Variants in CARD14 observed in about 807,000 individuals in gnomAD.
CARD14 encodes the protein caspase recruitment domain-containing protein 14.
In CARD14, 107 loss-of-function variants were observed where a neutral mutation model predicts 111.5. The ratio of observed to expected loss-of-function variants is 0.96; its 90% confidence interval spans 0.82 to 1.13. CARD14 has a LOEUF of 1.13. CARD14 is among the 50% of genes most tolerant of loss of function. The pLI is 0.00. For missense variants in CARD14, 1,322 were observed against 1,362.3 expected (o/e 0.97, Z 0.47); for synonymous variants, 617 against 579.6 (o/e 1.06, Z -0.93).
rs986102842 is a variant in CARD14 at position 80,198,250 on chromosome 17, T to C, written c.1658+88T>C. On this transcript the variant is annotated intron_variant, in intron 15 of 23. Coordinates refer to ENST00000648509, the MANE Select transcript of CARD14 (RefSeq NM_001366385.1). This position sits in a 1 kb window ranked among gnomAD's most constrained non-coding sequence, Gnocchi z 7.5. ...CAGAGGGTGAGTGTCCTATTACCAA[T>C]GGGAGGCAACAGCCTTTCCAAGCAC... The C allele has an allele frequency of 1.1e-5, 18 of 1,570,358 alleles. No homozygotes were observed. In the African/African-American group the frequency reaches 1.5e-4, roughly 13 times the overall value.
In CARD14 at chr17:80,198,263, C is replaced by T. The variant is rs1355749192; in HGVS notation, c.1658+101C>T. On this transcript the variant is annotated intron_variant, in intron 15 of 23. Coordinates refer to ENST00000648509, the MANE Select transcript of CARD14 (RefSeq NM_001366385.1). The surrounding 1 kb of genome is among the most constrained non-coding windows in gnomAD (Gnocchi z 7.5). ...TCCTATTACCAATGGGAGGCAACAG[C>T]CTTTCCAAGCACATGGGGCCATGGA... The T allele has an allele frequency of 6.4e-7, 1 of 1,567,320 alleles. No individual in the cohort carries two copies. Among genetic ancestry groups the T allele is most frequent in the East Asian group, 2.3e-5 (1 of 44,262 alleles).
At position 80,182,706 on chromosome 17, in the gene CARD14, C is replaced by T. The variant is rs375520842; in HGVS notation, c.265C>T (p.Leu89=). 6.2e-7 allele frequency: 1 copy of T among 1,614,184 alleles called. No homozygotes were observed. ...AGGGAAGAACGGGGCCATCGCCTTC[C>T]TGGAGAGCCTGAAGTTCCACAACCC... is the stretch of plus-strand genomic sequence containing the variant. The part of the protein sequence containing the change: ...TRGKNGAIAF[L]ESLKFHNPDV... The change falls in exon 6 of 24, where the codon CTG becomes TTG. Residue 89 remains leucine (L), a synonymous_variant. Transcript: ENST00000648509. The surrounding 1 kb of genome is among the most constrained non-coding windows in gnomAD (Gnocchi z 4.7).
chr17:80,198,174 G>C lies in CARD14; in HGVS notation c.1658+12G>C. On this transcript the variant is annotated intron_variant, in intron 15 of 23. Coordinates refer to ENST00000648509, the MANE Select transcript of CARD14 (RefSeq NM_001366385.1). This position sits in a 1 kb window ranked among gnomAD's most constrained non-coding sequence, Gnocchi z 7.5. ...GATGTCTCGGAGAGGTAAGCAGCAG[G>C]TGGGAATCCTCCGAGGCTGGCTGGG... The C allele has an allele frequency of 6.2e-7, 1 of 1,613,672 alleles. No individual in the cohort carries two copies. The highest frequency in any genetic ancestry group is 8.5e-7 in the Non-Finnish European group (1 of 1,179,870).
intron 16 of CARD14, among the ~76,000 whole-genome samples, chr17:80,199,371 T>A (rs1472447944): frequency 6.6e-6 from 1 of 150,896 alleles, no homozygotes; most frequent in Admixed American, 6.6e-5. Flanking sequence ...GCCTGCATGG[T>A]CAGGGGGTGA....
chr17:80,193,157 A>G, intron 12 of CARD14, among the ~76,000 whole-genome samples: 1 of 152,244 alleles, frequency 6.6e-6, no homozygotes, highest in East Asian at 1.9e-4. Flanking sequence ...TCCTATTCCC[A>G]AAGAAGGTCA....
chr17:80,186,297 G>A (rs1042889490), intron 7 of CARD14, among the ~76,000 whole-genome samples: 2 of 152,156 alleles, frequency 1.3e-5, no homozygotes, highest in East Asian at 1.9e-4. Flanking sequence ...TGTTCTTGGC[G>A]CAGTTCATGG....
At chr17:80,192,681 T>C in intron 12 of CARD14, 62 bp downstream of exon 12, 1 of 1,253,092 alleles carries the variant, frequency 8.0e-7, no homozygotes, top group Non-Finnish European at 1.2e-6. Flanking sequence ...CAGGGGCCTC[T>C]CTGTCAGGAC....
chr17:80,203,850 C>T lies in CARD14; in HGVS notation c.2248C>T (p.Gln750Ter). ...RAQQQLIALI[Q>*]DMTQQCTVTR... ...TCAGCAGCAGCTCATAGCCCTCATC[C>T]AGGACATGACTCAGCAGTGCACCGT... The change falls in exon 19 of 24, where the codon CAG becomes TAG. Residue 750 changes from glutamine to a stop codon, truncating the protein, a stop_gained. Coordinates refer to ENST00000648509, the MANE Select transcript of CARD14 (RefSeq NM_001366385.1). LOFTEE classifies it high-confidence loss of function. The surrounding 1 kb of genome is among the most constrained non-coding windows in gnomAD (Gnocchi z 4.6). 1 of 1,593,892 alleles carries T rather than the reference C, an allele frequency of 6.3e-7. No homozygotes were observed. Among genetic ancestry groups the T allele is most frequent in the Non-Finnish European group, 8.5e-7 (1 of 1,171,018 alleles).
chr17:80,201,774 A>G lies in CARD14; in HGVS notation c.1882A>G (p.Lys628Glu), dbSNP rs2040988886. 4 of 1,613,848 alleles carry G rather than the reference A, an allele frequency of 2.5e-6. No homozygotes were observed. Among genetic ancestry groups the G allele is most frequent in the Non-Finnish European group, 3.4e-6 (4 of 1,179,920 alleles). The change falls in exon 17 of 24, where the codon AAG becomes GAG. Residue 628 changes from lysine to glutamate, a missense_variant. Transcript: ENST00000648509. This position sits in a 1 kb window ranked among gnomAD's most constrained non-coding sequence, Gnocchi z 5.0. ...TTACGAAGCCTCAGAGCCCTTGTTC[A>G]AGGCAGTCCTGGAGGACACGACCCT... ...VDYEASEPLF[K>E]AVLEDTTLEE...
chr17:80,189,920 C>T lies in CARD14; in HGVS notation c.963+48C>T, dbSNP rs776738791. On this transcript the variant is annotated intron_variant, in intron 9 of 23. Transcript: ENST00000648509. This position sits in a 1 kb window ranked among gnomAD's most constrained non-coding sequence, Gnocchi z 4.7. ...CTTGTGACTCTCCTGGGGCTTGTCTCAGGGGTGCGGACAGGTCTGTGGGGA... is the reference window on the plus strand; with the variant it reads ...CTTGTGACTCTCCTGGGGCTTGTCTTAGGGGTGCGGACAGGTCTGTGGGGA... 7.7e-6 allele frequency: 12 copies of T among 1,567,128 alleles called. No individual in the cohort carries two copies. The highest frequency in any genetic ancestry group is 6.1e-5 in the Admixed American group (3 of 48,980).
Position 80,201,773 on chromosome 17 carries a change from C to T in CARD14, c.1881C>T (p.Phe627=). The T allele has an allele frequency of 6.2e-7, 1 of 1,614,018 alleles. No individual in the cohort carries two copies. The highest frequency in any genetic ancestry group is 1.1e-5 in the South Asian group (1 of 91,076). ...MVDYEASEPL[F]KAVLEDTTLE... is the part of the protein sequence containing the mutation. Reference sequence around the variant, plus strand: ...ATTACGAAGCCTCAGAGCCCTTGTTCAAGGCAGTCCTGGAGGACACGACCC... The same window carrying T: ...ATTACGAAGCCTCAGAGCCCTTGTTTAAGGCAGTCCTGGAGGACACGACCC... Residue 627 remains phenylalanine, a synonymous_variant, in exon 17 of 24, where the codon TTC becomes TTT. Transcript: ENST00000648509. This position sits in a 1 kb window ranked among gnomAD's most constrained non-coding sequence, Gnocchi z 5.0.
rs1483551096 is a variant in CARD14 at position 80,195,404 on chromosome 17, C to A, written c.1499+71C>A. 2 of 1,547,346 alleles carry A rather than the reference C, an allele frequency of 1.3e-6. No individual in the cohort carries two copies. The highest frequency in any genetic ancestry group is 2.4e-5 in the South Asian group (2 of 83,432). ...CTTCCTGGCAACTCACCAGAGACACCAACCTAGACCTCAGGGCATCTGGGT... is the reference window on the plus strand; with the variant it reads ...CTTCCTGGCAACTCACCAGAGACACAAACCTAGACCTCAGGGCATCTGGGT... On this transcript the variant is annotated intron_variant, in intron 13 of 23. Coordinates refer to ENST00000648509, the MANE Select transcript of CARD14 (RefSeq NM_001366385.1). This position sits in a 1 kb window ranked among gnomAD's most constrained non-coding sequence, Gnocchi z 4.7.
rs771489106 is a variant in CARD14, at chr17:80,208,111, C to T, written c.2808-27C>T. 62 of 1,482,580 alleles carry T rather than the reference C, an allele frequency of 4.2e-5. No individual in the cohort carries two copies. The Admixed American group carries it at 1.0e-3, about 25-fold the overall frequency. The allele number at this position is 1,482,580 out of a possible 1,614,324, so 91.8% of individuals were successfully genotyped here. A position where few individuals can be genotyped will look rare whatever the true frequency, so the allele number is the denominator to read the frequency against. ...CTGGGCCCTTGCTCTCCCCTGAGCC[C>T]GCCCCCCCCAACTCTGGCCTGTGCA... is the stretch of plus-strand genomic sequence containing the variant. On this transcript the variant is annotated intron_variant, in intron 23 of 23. Transcript: ENST00000648509.
At position 80,170,066 on chromosome 17, in the gene CARD14, C is replaced by T. The variant is rs1200787773; in HGVS notation, c.-690+10C>T. Reference sequence around the variant, plus strand: ...CCCTGGGAGGGGGAAGGTAAGTGCGCGCAGTCCATCCGGCGAAGAGCAGGT... The same window carrying T: ...CCCTGGGAGGGGGAAGGTAAGTGCGTGCAGTCCATCCGGCGAAGAGCAGGT... On this transcript the variant is annotated intron_variant, in intron 1 of 23. Transcript: ENST00000648509. 1.4e-5 allele frequency: 2 copies of T among 145,316 alleles called. No individual in the cohort carries two copies. The highest frequency in any genetic ancestry group is 2.5e-5 in the African/African-American group (1 of 40,178). 9.0% of individuals were successfully genotyped at this position (145,316 alleles called of 1,614,324 possible).
chr17:80,198,491 G>A lies in CARD14; in HGVS notation c.1751G>A (p.Ser584Asn). The change falls in exon 16 of 24, where the codon AGC becomes AAC. Residue 584 changes from serine (S) to asparagine (N), a missense_variant. Ser to Asn is a conservative substitution (Grantham distance 46). Coordinates refer to ENST00000648509, the MANE Select transcript of CARD14 (RefSeq NM_001366385.1). The surrounding 1 kb of genome is among the most constrained non-coding windows in gnomAD (Gnocchi z 7.5). ...GGGGATGCATTGCTGGAGCAGATCA[G>A]CGTCATCGGCGGGAACCTCACGGGC... ...FQGDALLEQI[S>N]VIGGNLTGIF... 1 of 1,613,634 alleles carries A rather than the reference G, an allele frequency of 6.2e-7. No individual in the cohort carries two copies. Among genetic ancestry groups the A allele is most frequent in the Non-Finnish European group, 8.5e-7 (1 of 1,179,920 alleles).
In CARD14 at chr17:80,198,414, G is replaced by A; in HGVS notation, c.1674G>A (p.Arg558=). ...LDVSESGVLM[R]RRPARRILSQ... ...CGGCCTGCAGCGGCGTCCTCATGCG[G>A]CGGAGGCCAGCCCGCAGGATCCTGA... Residue 558 remains arginine (R), a synonymous_variant, in exon 16 of 24, where the codon CGG becomes CGA. Transcript: ENST00000648509. The surrounding 1 kb of genome is among the most constrained non-coding windows in gnomAD (Gnocchi z 7.5). 6.2e-7 allele frequency: 1 copy of A among 1,604,080 alleles called. No individual in the cohort carries two copies. The highest frequency in any genetic ancestry group is 8.5e-7 in the Non-Finnish European group (1 of 1,173,378).
At chr17:80,172,557 AGAG>A (rs2039925763) in intron 1 of CARD14, among the ~76,000 whole-genome samples, 2 of 152,290 alleles carry the variant, frequency 1.3e-5, no homozygotes, top group South Asian at 4.1e-4. Context: ...GGGGAGCAGG[AGAG>A]GAGACGTTTC....
At position 80,182,441 on chromosome 17, in the gene CARD14, T is replaced by A. The variant is rs1393889623; in HGVS notation, c.212-212T>A. The stretch of plus-strand genomic sequence containing the variant: ...ACATGCCAGCTTTGCCCTTCTCGAG[T>A]CTGACTGAGGTCATGGGGGTAAAGG... On this transcript the variant is annotated intron_variant, in intron 5 of 23. Coordinates refer to ENST00000648509, the MANE Select transcript of CARD14 (RefSeq NM_001366385.1). This position sits in a 1 kb window ranked among gnomAD's most constrained non-coding sequence, Gnocchi z 4.7. Among the ~76,000 whole-genome samples, 4 of 152,166 alleles carry A rather than the reference T, an allele frequency of 2.6e-5. No individual in the cohort carries two copies. Among genetic ancestry groups the A allele is most frequent in the South Asian group, 2.1e-4 (1 of 4,834 alleles).
At chr17:80,177,106 G>A (rs2040043842) in intron 2 of CARD14, among the ~76,000 whole-genome samples, 1 of 152,232 alleles carries the variant, frequency 6.6e-6, no homozygotes, top group Non-Finnish European at 1.5e-5. Context: ...TCTGCTTCAT[G>A]CCTTCTCTTG....
Sources: gnomAD v4.1 joint callset for allele counts (sites outside exome capture counted in the v4.1 genomes callset) on GRCh38, gnomAD v4.1.1 for gene constraint, Gnocchi (gnomAD v3.1) non-coding constraint, MANE v1.5 for transcripts, NCBI Gene and HGNC (gene_info 2026-07-23, HGNC 2026-07-21) for gene names.